Variants in KIAA0825 observed in about 807,000 individuals in gnomAD.
KIAA0825 encodes KIAA0825.
Under a neutral mutation model 147.6 loss-of-function variants are expected in KIAA0825, and 119 were observed. That is an observed-to-expected ratio of 0.81 (90% CI 0.69 to 0.94). KIAA0825 has a LOEUF of 0.94. KIAA0825 is among the 40% of genes least tolerant of loss of function. The probability of loss-of-function intolerance (pLI) is 0.00; values close to 1 mark genes in which losing one functional copy is unlikely to be tolerated. For synonymous variants in KIAA0825, 470 were observed against 518.1 expected, an observed-to-expected ratio of 0.91 and a Z score of 1.26; for missense variants, 1,381 against 1,472.7, an observed-to-expected ratio of 0.94 and a Z score of 1.02.
chr5:94,248,203 C>G (rs1345991956), intron 20 of KIAA0825, among the ~76,000 whole-genome samples: 1 of 152,036 alleles, frequency 6.6e-6, no homozygotes, highest in African/African-American at 2.4e-5. Context: ...TTAGAACCAG[C>G]AACCTTCCCA....
At chr5:94,373,390 T>G (rs1185734093) in intron 20 of KIAA0825, among the ~76,000 whole-genome samples, 2 of 152,192 alleles carry the variant, frequency 1.3e-5, no homozygotes, top group African/African-American at 2.4e-5. Context: ...GGAAAGAAGT[T>G]TTTTATAAAG....
chr5:94,465,425 T>C (rs1488922115), intron 10 of KIAA0825, among the ~76,000 whole-genome samples: 1 of 152,228 alleles, frequency 6.6e-6, no homozygotes, highest in Non-Finnish European at 1.5e-5. Context: ...TTAAAATCTA[T>C]TTAAATAATT....
At chr5:94,584,911 C>A (rs1484325471) in intron 1 of KIAA0825, among the ~76,000 whole-genome samples, 2 of 152,136 alleles carry the variant, frequency 1.3e-5, no homozygotes, top group Non-Finnish European at 2.9e-5. Flanking sequence ...AAATAATTTT[C>A]AACCCAGAAT....
At chr5:94,584,839 C>T (rs1782955977) in intron 1 of KIAA0825, among the ~76,000 whole-genome samples, 1 of 152,196 alleles carries the variant, frequency 6.6e-6, no homozygotes, top group African/African-American at 2.4e-5. Flanking sequence ...AACAGCAGAT[C>T]TCTCTGCAGA....
intron 20 of KIAA0825, among the ~76,000 whole-genome samples, chr5:94,165,605 G>A (rs781407222): frequency 2.9e-4 from 44 of 152,228 alleles, no homozygotes; most frequent in African/African-American, 7.0e-4. Context: ...CAACTTAAGC[G>A]TCCAACAATA....
intron 14 of KIAA0825, among the ~76,000 whole-genome samples, chr5:94,417,781 C>T (rs1344480210): frequency 1.3e-5 from 2 of 151,954 alleles, no homozygotes; most frequent in African/African-American, 4.8e-5. Context: ...TAACATTGTA[C>T]CATGGGAAAA....
chr5:94,219,508 T>C (rs893637499), intron 20 of KIAA0825, among the ~76,000 whole-genome samples: 1 of 152,148 alleles, frequency 6.6e-6, no homozygotes, highest in African/African-American at 2.4e-5. Flanking sequence ...TACAGTTACG[T>C]ACTGCTTAAC....
At chr5:94,272,596 T>C (rs933986900) in intron 20 of KIAA0825, among the ~76,000 whole-genome samples, 1 of 152,168 alleles carries the variant, frequency 6.6e-6, no homozygotes, top group Non-Finnish European at 1.5e-5. Flanking sequence ...GATCAACACA[T>C]AGAAAATGTG....
chr5:94,232,396 G>T (rs73773595), intron 20 of KIAA0825, among the ~76,000 whole-genome samples: 1 of 151,948 alleles, frequency 6.6e-6, no homozygotes, highest in Non-Finnish European at 1.5e-5. Context: ...TACTCTCCAC[G>T]TTTGAATTTG....
Position 94,417,850 on chromosome 5 carries a change from G to A in KIAA0825, c.2498-485C>T, listed in dbSNP as rs527995900. 3.9e-5 allele frequency among the ~76,000 whole-genome samples: 6 copies of A among 152,224 alleles called. No homozygotes were observed. The South Asian group carries it at 1.0e-3, about 26-fold the overall frequency. On this transcript the variant is annotated intron_variant, in intron 14 of 20. Coordinates refer to ENST00000682413, the MANE Select transcript of KIAA0825 (RefSeq NM_001145678.3). ...CAATTCTACAAACAAATTTATGAAT[G>A]TTTCTTAAATCCACAGACCTTGTCA... is the stretch of plus-strand genomic sequence containing the variant.
chr5:94,217,214 G>A (rs866752510), intron 20 of KIAA0825, among the ~76,000 whole-genome samples: 1 of 151,972 alleles, frequency 6.6e-6, no homozygotes, highest in Non-Finnish European at 1.5e-5. Context: ...TTTCTATCTG[G>A]TGTGTGTAGA....
At chr5:94,518,914 A>G in intron 5 of KIAA0825, among the ~76,000 whole-genome samples, 1 of 152,156 alleles carries the variant, frequency 6.6e-6, no homozygotes, top group Non-Finnish European at 1.5e-5. Flanking sequence ...TAGCACATAT[A>G]AAACTTTCGT....
intron 20 of KIAA0825, among the ~76,000 whole-genome samples, chr5:94,166,504 G>GTTTTTTTTTTTTTT (rs535152982): frequency 9.9e-6 from 1 of 100,758 alleles, no homozygotes; most frequent in Non-Finnish European, 2.0e-5. Context: ...CCTCTTGGTT[G>GTTTTTTTTTTTTTT]TTTTTTTTTT....
intron 13 of KIAA0825, among the ~76,000 whole-genome samples, chr5:94,444,175 A>T (rs1378761078): frequency 6.6e-6 from 1 of 152,098 alleles, no homozygotes; most frequent in Non-Finnish European, 1.5e-5. Flanking sequence ...AATAACTATA[A>T]GCTCTGGAGG....
At chr5:94,436,479 C>A (rs940072272) in intron 14 of KIAA0825, among the ~76,000 whole-genome samples, 3 of 151,898 alleles carry the variant, frequency 2.0e-5, no homozygotes, top group Admixed American at 1.3e-4. Flanking sequence ...CATTGGTTTG[C>A]GTGTCTGTTC....
intron 20 of KIAA0825, among the ~76,000 whole-genome samples, chr5:94,379,482 A>G (rs1038949644): frequency 6.6e-6 from 1 of 152,206 alleles, no homozygotes; most frequent in Non-Finnish European, 1.5e-5. Context: ...GTACCATACC[A>G]TGCTGTTTTG....
At chr5:94,574,490 G>A (rs1780597459) in intron 2 of KIAA0825, among the ~76,000 whole-genome samples, 1 of 133,146 alleles carries the variant, frequency 7.5e-6, no homozygotes, top group African/African-American at 2.9e-5. Context: ...GTTGCGGTGA[G>A]CCAAGATCAT....
At chr5:94,556,328 A>C (rs1776541562) in intron 2 of KIAA0825, among the ~76,000 whole-genome samples, 1 of 152,104 alleles carries the variant, frequency 6.6e-6, no homozygotes, top group South Asian at 2.1e-4. Flanking sequence ...CGGCCTCCCA[A>C]AGTGCTGGGA....
At chr5:94,156,968 A>G (rs1767086213) in intron 20 of KIAA0825, among the ~76,000 whole-genome samples, 1 of 151,864 alleles carries the variant, frequency 6.6e-6, no homozygotes, top group South Asian at 2.1e-4. Context: ...CACAATGCAA[A>G]AACAACAAGT....
Sources: gnomAD v4.1 joint callset for allele counts (sites outside exome capture counted in the v4.1 genomes callset) on GRCh38, gnomAD v4.1.1 for gene constraint, MANE v1.5 for transcripts, NCBI Gene and HGNC (gene_info 2026-07-23, HGNC 2026-07-21) for gene names.